DNM3: variants seen among roughly 807,000 people sequenced by gnomAD.
DNM3 encodes the protein dynamin 3.
In DNM3, 47 loss-of-function variants were observed where a neutral mutation model predicts 101.6. The ratio of observed to expected loss-of-function variants is 0.46; its 90% CI spans 0.37 to 0.59. The LOEUF (loss-of-function observed/expected upper bound fraction) is 0.59. DNM3 is among the 20% of genes least tolerant of loss of function. The pLI is 0.00. For missense variants in DNM3, 849 were observed against 1,085.7 expected (o/e 0.78, Z 3.06); for synonymous variants, 385 against 387.9 (o/e 0.99, Z 0.09).
chr1:172,327,722 GAAC>G (rs2065996382), intron 17 of DNM3, among the ~76,000 whole-genome samples: 1 of 151,960 alleles, frequency 6.6e-6, no homozygotes, highest in Non-Finnish European at 1.5e-5. Flanking sequence ...GGGGTCTAAG[GAAC>G]ACCGTCCCCC....
intron 4 of DNM3, among the ~76,000 whole-genome samples, chr1:172,009,745 C>T (rs1319536538): frequency 6.6e-6 from 1 of 151,192 alleles, no homozygotes; most frequent in Non-Finnish European, 1.5e-5. Flanking sequence ...GTAGTCTCTG[C>T]AGTATATTAT....
chr1:172,016,883 A>G (rs1044308670), intron 4 of DNM3, among the ~76,000 whole-genome samples: 1 of 152,074 alleles, frequency 6.6e-6, no homozygotes, highest in African/African-American at 2.4e-5. Flanking sequence ...TTGAAAAAAA[A>G]CCATCTTAAT....
At chr1:172,392,769 T>A (rs2069633681) in intron 20 of DNM3, among the ~76,000 whole-genome samples, 1 of 152,232 alleles carries the variant, frequency 6.6e-6, no homozygotes, top group African/African-American at 2.4e-5. Flanking sequence ...AGAAACTTTT[T>A]TTTTTAACCT....
intron 13 of DNM3, among the ~76,000 whole-genome samples, chr1:172,122,777 G>A (rs2056398834): frequency 6.6e-6 from 1 of 152,112 alleles, no homozygotes; most frequent in Non-Finnish European, 1.5e-5. Flanking sequence ...CTCTAAGCGT[G>A]CTCTGCAAAT....
At chr1:172,300,393 A>G (rs575856211) in intron 15 of DNM3, among the ~76,000 whole-genome samples, 2 of 152,102 alleles carry the variant, frequency 1.3e-5, no homozygotes, top group Non-Finnish European at 2.9e-5. Flanking sequence ...CTTTCGTTTA[A>G]TTAGGTCCCT....
chr1:172,225,153 T>TTTTTTTTG, intron 14 of DNM3, among the ~76,000 whole-genome samples: 1 of 144,382 alleles, frequency 6.9e-6, no homozygotes, highest in Non-Finnish European at 1.5e-5. Flanking sequence ...TTTTTTTTTT[T>TTTTTTTTG]TTTTTTGAGA....
Position 172,247,197 on chromosome 1 carries a change from C to T in DNM3, c.1660-6376C>T, listed in dbSNP as rs895036186. On this transcript the variant is annotated intron_variant, in intron 14 of 20. Transcript: ENST00000627582. ...GTGTGGTCTACGCACGTTTTTGGTG[C>T]GGATGTGTCAGAGAAATGTTCCATT... 9.9e-5 allele frequency among the ~76,000 whole-genome samples: 15 copies of T among 151,922 alleles called. 1 individual carries two copies. Among genetic ancestry groups the T allele is most frequent in the South Asian group, 4.2e-4 (2 of 4,776 alleles).
chr1:172,077,486 G>A (rs1438893494), intron 11 of DNM3, among the ~76,000 whole-genome samples: 8 of 152,190 alleles, frequency 5.3e-5, no homozygotes, highest in Non-Finnish European at 1.0e-4. Context: ...TGCTTTAACT[G>A]TGTCGCAGAG....
intron 17 of DNM3, among the ~76,000 whole-genome samples, chr1:172,328,150 T>C (rs552217592): frequency 2.6e-5 from 4 of 152,270 alleles, no homozygotes; most frequent in Middle Eastern, 3.4e-3. Flanking sequence ...TAAGGGTCAT[T>C]AGGGCTTGTT....
chr1:171,977,584 A>T (rs2044473937), intron 2 of DNM3, among the ~76,000 whole-genome samples: 1 of 152,230 alleles, frequency 6.6e-6, no homozygotes, highest in Non-Finnish European at 1.5e-5. Flanking sequence ...GAAATTGAGC[A>T]TCTACTATAC....
At chr1:172,369,971 T>C (rs2068237228) in intron 17 of DNM3, among the ~76,000 whole-genome samples, 2 of 151,928 alleles carry the variant, frequency 1.3e-5, no homozygotes, top group Non-Finnish European at 2.9e-5. Flanking sequence ...TGCCTCTTGT[T>C]ATAAGAACAT....
At chr1:172,397,594 T>C (rs1184195102) in intron 20 of DNM3, among the ~76,000 whole-genome samples, 1 of 152,304 alleles carries the variant, frequency 6.6e-6, no homozygotes, top group African/African-American at 2.4e-5. Context: ...ACACTCTAAA[T>C]TACTCCATCA....
At chr1:172,405,558 A>C (rs1265476138) in intron 20 of DNM3, among the ~76,000 whole-genome samples, 2 of 152,076 alleles carry the variant, frequency 1.3e-5, no homozygotes, top group Non-Finnish European at 2.9e-5. Flanking sequence ...AACGATTTCC[A>C]ATCCATCATG....
At chr1:172,233,146 C>A (rs1441544904) in intron 14 of DNM3, among the ~76,000 whole-genome samples, 1 of 151,926 alleles carries the variant, frequency 6.6e-6, no homozygotes, top group African/African-American at 2.4e-5. Context: ...ACTAGCAAGA[C>A]TAATAAAGAA....
chr1:172,397,950 G>T (rs2070151738), intron 20 of DNM3, among the ~76,000 whole-genome samples: 2 of 152,078 alleles, frequency 1.3e-5, no homozygotes, highest in African/African-American at 2.4e-5. Context: ...ATATTCTAGA[G>T]GATTACAAGT....
At chr1:172,181,368 T>G (rs2059335784) in intron 14 of DNM3, among the ~76,000 whole-genome samples, 1 of 113,544 alleles carries the variant, frequency 8.8e-6, no homozygotes, top group East Asian at 2.7e-4. Flanking sequence ...TTTAAAACAC[T>G]TGAGTTTACA....
chr1:172,171,022 C>G (rs1485559241), intron 14 of DNM3, among the ~76,000 whole-genome samples: 1 of 151,748 alleles, frequency 6.6e-6, no homozygotes, highest in Admixed American at 6.6e-5. Context: ...TTCTTTAATT[C>G]ATGATCTCTT....
chr1:172,386,892 C>A, intron 18 of DNM3: 1 of 454,826 alleles, frequency 2.2e-6, no homozygotes, highest in South Asian at 2.4e-5. Flanking sequence ...CCTTCTTCTA[C>A]TCATCTCTAT....
rs2066501774 is a variant in DNM3, at chr1:172,337,866, T to TTTTATTTTATTTTAATTTTATTTTA, written c.1893+14529_1893+14530insATTTTATTTTAATTTTATTTTATTT. On this transcript the variant is annotated intron_variant, in intron 17 of 20. Transcript: ENST00000627582. ...TTTTATTTTATTTTATTTTATTTTA[T>TTTTATTTTATTTTAATTTTATTTTA]TTTTATTTTATTTTATTTTATTTTA... Among the ~76,000 whole-genome samples, 32 of 113,164 alleles carry TTTTATTTTATTTTAATTTTATTTTA rather than the reference T, an allele frequency of 2.8e-4. 1 individual carries two copies. Among genetic ancestry groups the TTTTATTTTATTTTAATTTTATTTTA allele is most frequent in the African/African-American group, 1.1e-3 (32 of 30,464 alleles). 74.2% of individuals were successfully genotyped at this position (113,164 alleles called of 152,430 possible).
Sources: gnomAD v4.1 joint callset for allele counts (sites outside exome capture counted in the v4.1 genomes callset) on GRCh38, gnomAD v4.1.1 for gene constraint, MANE v1.5 for transcripts, NCBI Gene and HGNC (gene_info 2026-07-23, HGNC 2026-07-21) for gene names.